Variants in DHX15 observed in about 807,000 individuals in gnomAD.
DHX15 encodes DEAH-box helicase 15.
In DHX15, 11 loss-of-function variants were observed where a neutral mutation model predicts 94.4. The observed-to-expected ratio is 0.12, with a 90% CI of 0.07 to 0.19. DHX15 has a LOEUF of 0.19. Among genes scored for constraint, DHX15 ranks in the 10% least tolerant of loss-of-function variants. DHX15 has a pLI of 1.00. For synonymous variants in DHX15, 338 were observed against 329.9 expected (o/e 1.02, Z -0.27); for missense variants, 304 against 988.5 (o/e 0.31, Z 9.29).
intron 4 of DHX15, among the ~76,000 whole-genome samples, chr4:24,555,744 T>A (rs2109407721): frequency 6.6e-6 from 1 of 151,684 alleles, no homozygotes; most frequent in Admixed American, 6.5e-5. Context: ...TTTTAGGCCC[T>A]TAATCAATAC....
intron 1 of DHX15, among the ~76,000 whole-genome samples, chr4:24,578,122 A>C (rs1722316617): frequency 6.6e-6 from 1 of 152,254 alleles, no homozygotes; most frequent in Non-Finnish European, 1.5e-5. Context: ...CATACAAGCC[A>C]GAACTGTATG....
intron 6 of DHX15, among the ~76,000 whole-genome samples, chr4:24,545,693 G>A (rs1207471358): frequency 6.6e-6 from 1 of 152,218 alleles, no homozygotes. Context: ...GCAGTTGAGT[G>A]AGGCAAGCCC....
At chr4:24,583,860 T>C (rs368453449) in intron 1 of DHX15, among the ~76,000 whole-genome samples, 9 of 151,906 alleles carry the variant, frequency 5.9e-5, no homozygotes, top group Non-Finnish European at 1.0e-4. Context: ...CTGGAGTGCC[T>C]GGCCGCGCCC....
At chr4:24,553,376 T>G (rs550916037) in intron 5 of DHX15, among the ~76,000 whole-genome samples, 28 of 151,948 alleles carry the variant, frequency 1.8e-4, no homozygotes, top group Admixed American at 1.7e-3. Context: ...CTATGCACTT[T>G]GGAGGAAATG....
intron 12 of DHX15, chr4:24,530,234 G>A (rs1446382604): frequency 1.1e-5 from 2 of 188,120 alleles, no homozygotes; most frequent in Non-Finnish European, 2.1e-5. Context: ...ACCATCTAGA[G>A]CAGGCTCTTC....
At chr4:24,531,533 C>T (rs1721083981) in intron 12 of DHX15, among the ~76,000 whole-genome samples, 1 of 152,000 alleles carries the variant, frequency 6.6e-6, no homozygotes, top group Non-Finnish European at 1.5e-5. Flanking sequence ...GGCAACGTGG[C>T]GAGGCCCTCT....
intron 2 of DHX15, 64 bp from the exon 3 acceptor site, chr4:24,570,911 A>C: frequency 6.6e-7 from 1 of 1,507,896 alleles, no homozygotes; most frequent in Non-Finnish European, 9.1e-7. Flanking sequence ...TATGTAACAT[A>C]AAGCACTTTA....
chr4:24,552,049 C>A (rs1009623950), intron 5 of DHX15, among the ~76,000 whole-genome samples: 2 of 152,184 alleles, frequency 1.3e-5, no homozygotes, highest in Non-Finnish European at 2.9e-5. Flanking sequence ...AAGTCCTAAA[C>A]AGCTTTAAAA....
In DHX15 at chr4:24,536,044, AT is replaced by A. The variant is rs553018533; in HGVS notation, c.1909+1006del. Among the ~76,000 whole-genome samples, 24 of 151,970 alleles carry A rather than the reference AT, an allele frequency of 1.6e-4. No individual in the cohort carries two copies. The South Asian group carries it at 2.7e-3, about 17-fold the overall frequency. On this transcript the variant is annotated intron_variant, in intron 11 of 13. Transcript: ENST00000336812. ...TGTCAGATCCAGTTGCAATTTCTGTATTTTTTTTCTCCTTTAAATTTATTAA... is the reference window on the plus strand; with the variant it reads ...TGTCAGATCCAGTTGCAATTTCTGTATTTTTTTCTCCTTTAAATTTATTAA...
intron 7 of DHX15, among the ~76,000 whole-genome samples, chr4:24,542,474 CG>C (rs1273788448): frequency 1.3e-5 from 2 of 152,004 alleles, no homozygotes; most frequent in African/African-American, 4.8e-5. Context: ...AAAAATAAAA[CG>C]TATTTATTGA....
intron 1 of DHX15, among the ~76,000 whole-genome samples, chr4:24,578,304 G>C (rs150503819): frequency 6.6e-6 from 1 of 152,292 alleles, no homozygotes; most frequent in East Asian, 1.9e-4. Context: ...CTGGCCTAAG[G>C]TGACTGTTAA....
rs1406413912 is a variant in DHX15, at chr4:24,527,986, C to T, written c.2326G>A (p.Ala776Thr). 1 of 1,613,922 alleles carries T rather than the reference C, an allele frequency of 6.2e-7. No individual in the cohort carries two copies. Among genetic ancestry groups the T allele is most frequent in the Non-Finnish European group, 8.5e-7 (1 of 1,179,946 alleles). The change falls in exon 14 of 14, where the codon GCA becomes ACA. Residue 776 changes from alanine (A) to threonine (T), a missense_variant. Ala to Thr is a moderately conservative substitution (Grantham distance 58). Transcript: ENST00000336812. ...ATGATGCGGTCCAACTGTCTCTTTG[C>T]TTCACACTGTGGGAAATTGCTCATG... ...YDMSNFPQCE[A>T]KRQLDRIIAK...
In DHX15 at chr4:24,570,792, A is replaced by G; in HGVS notation, c.563T>C (p.Val188Ala). Residue 188 changes from valine to alanine, a missense_variant, in exon 3 of 14, where the codon GTT becomes GCT. By Grantham distance (64) the Val-to-Ala change is moderately conservative. Transcript: ENST00000336812. The part of the protein sequence containing the change: ...MRSLPGPKRG[V>A]ACTQPRRVAA... ...CACTCTCCTGGGTTGGGTACAGGCA[A>G]CTCCTCTCTTGGGTCCTGGTAATGA... 1 of 1,614,012 alleles carries G rather than the reference A, an allele frequency of 6.2e-7. No homozygotes were observed. Among genetic ancestry groups the G allele is most frequent in the Non-Finnish European group, 8.5e-7 (1 of 1,180,016 alleles).
intron 1 of DHX15, chr4:24,584,069 C>T: frequency 5.9e-6 from 3 of 510,636 alleles, no homozygotes; most frequent in Non-Finnish European, 6.9e-6. Context: ...GGGGAGGAGG[C>T]GCCCTCATGG....
rs981365778 is a variant in DHX15 at position 24,549,953 on chromosome 4, C to T, written c.1081-931G>A. 4.6e-5 allele frequency among the ~76,000 whole-genome samples: 7 copies of T among 151,614 alleles called. No individual in the cohort carries two copies. In the South Asian group the frequency reaches 6.3e-4, roughly 14 times the overall value. Reference sequence around the variant, plus strand: ...TACTAAAAATACAAAATTAGCTGGGCGTGGTGGCACATGCCTGTAATCCCA... The same window carrying T: ...TACTAAAAATACAAAATTAGCTGGGTGTGGTGGCACATGCCTGTAATCCCA... On this transcript the variant is annotated intron_variant, in intron 5 of 13. Coordinates refer to ENST00000336812, the MANE Select transcript of DHX15 (RefSeq NM_001358.3).
intron 2 of DHX15, among the ~76,000 whole-genome samples, chr4:24,573,488 G>T (rs1316850321): frequency 1.3e-5 from 2 of 152,024 alleles, no homozygotes; most frequent in Admixed American, 1.3e-4. Flanking sequence ...CAAAATACTT[G>T]TAATTCCTAA....
chr4:24,551,446 CTT>C (rs1319166010), intron 5 of DHX15, among the ~76,000 whole-genome samples: 2 of 152,016 alleles, frequency 1.3e-5, no homozygotes, highest in Non-Finnish European at 2.9e-5. Flanking sequence ...AAATAAATTA[CTT>C]TTCACTTATT....
chr4:24,559,139 A>T (rs1721807895), intron 3 of DHX15, among the ~76,000 whole-genome samples: 1 of 152,150 alleles, frequency 6.6e-6, no homozygotes, highest in African/African-American at 2.4e-5. Flanking sequence ...AAATGTAAAG[A>T]GAGGGAGATT....
intron 1 of DHX15, among the ~76,000 whole-genome samples, chr4:24,581,485 T>C (rs1043034733): frequency 2.0e-5 from 3 of 152,242 alleles, no homozygotes; most frequent in Non-Finnish European, 4.4e-5. Flanking sequence ...TTAGAAAATG[T>C]TCACCAAAAA....
Sources: gnomAD v4.1 joint callset for allele counts (sites outside exome capture counted in the v4.1 genomes callset) on GRCh38, gnomAD v4.1.1 for gene constraint, MANE v1.5 for transcripts, NCBI Gene and HGNC (gene_info 2026-07-23, HGNC 2026-07-21) for gene names.